Variants in EP400 observed in about 807,000 individuals in gnomAD.
EP400 encodes the protein E1A binding protein p400, also known as E1A-binding protein p400.
Under a neutral mutation model 354.1 loss-of-function variants are expected in EP400, and 105 were observed. That is an observed-to-expected ratio of 0.30 (90% confidence interval 0.25 to 0.35). EP400 has a LOEUF of 0.35. EP400 is among the 10% of genes least tolerant of loss of function. EP400 has a pLI of 1.00. For synonymous variants in EP400, 1,646 were observed against 1,716.9 expected (o/e 0.96, Z 1.02); for missense variants, 3,280 against 4,121.0 (o/e 0.80, Z 5.59).
At position 132,005,167 on chromosome 12, in the gene EP400, A is replaced by T. The variant is rs760344792; in HGVS notation, c.2918A>T (p.Asp973Val). Residue 973 changes from aspartate to valine, a missense_variant, in exon 13 of 53, where the codon GAC (aspartate) becomes GTC (valine). Around this residue, in one of 20 missense-constraint regions of EP400, gnomAD observed 800 missense variants for 840.0 expected, o/e 0.95. Transcript: ENST00000389561. Reference protein sequence around the residue: ...QWPRPKPDGEDTSGEEDADDC... With the variant: ...QWPRPKPDGEVTSGEEDADDC... ...CCCCGGCCGAAGCCTGATGGGGAGG[A>T]CACAAGCGGAGAGGAAGGTGCGCTC... The T allele has an allele frequency of 1.9e-6, 3 of 1,577,084 alleles. No homozygotes were observed. The African/African-American group carries it at 4.0e-5, about 21-fold the overall frequency.
chr12:132,065,055 T>G, intron 48 of EP400, 169 bp downstream of exon 48: 1 of 1,253,060 alleles, frequency 8.0e-7, no homozygotes, highest in Non-Finnish European at 1.1e-6. Context: ...TCACCACTCG[T>G]GGAACATTAA....
Position 131,990,738 on chromosome 12 carries a change from C to A in EP400, c.2629+24C>A. On this transcript the variant is annotated intron_variant, in intron 9 of 52. Transcript: ENST00000389561. The surrounding 1 kb of genome is among the most constrained non-coding windows in gnomAD (Gnocchi z 4.2). ...AGGTAGGACCCTTTAAAAAAAGGCTCACCACGCTTGGGTGGTATTTTGTTC... is the reference window on the plus strand; with the variant it reads ...AGGTAGGACCCTTTAAAAAAAGGCTAACCACGCTTGGGTGGTATTTTGTTC... The A allele has an allele frequency of 6.5e-7, 1 of 1,550,010 alleles. No individual in the cohort carries two copies. Among genetic ancestry groups the A allele is most frequent in the Admixed American group, 1.8e-5 (1 of 55,566 alleles).
rs747388764 is a variant in EP400 at position 131,987,910 on chromosome 12, G to A, written c.2409+20G>A. The A allele has an allele frequency of 1.3e-6, 2 of 1,581,716 alleles. No individual in the cohort carries two copies. Among genetic ancestry groups the A allele is most frequent in the Non-Finnish European group, 1.7e-6 (2 of 1,161,464 alleles). On this transcript the variant is annotated intron_variant, in intron 7 of 52. Coordinates refer to ENST00000389561, the MANE Select transcript of EP400 (RefSeq NM_015409.5). ...AAGAAGGTGGGTTGGAATGCGTGGAGCTGCTGTGCTGTGTGCGTTGGTGGG... is the reference window on the plus strand; with the variant it reads ...AAGAAGGTGGGTTGGAATGCGTGGAACTGCTGTGCTGTGTGCGTTGGTGGG...
chr12:131,972,931 C>T (rs1340248614), intron 2 of EP400, among the ~76,000 whole-genome samples: 1 of 151,916 alleles, frequency 6.6e-6, no homozygotes, highest in Non-Finnish European at 1.5e-5. Context: ...GGGATTTTAC[C>T]ATGTCGGCCA....
chr12:131,957,185 A>C (rs1891731938), intron 1 of EP400, among the ~76,000 whole-genome samples: 1 of 151,958 alleles, frequency 6.6e-6, no homozygotes, highest in Non-Finnish European at 1.5e-5. Context: ...TTTGTCTTTA[A>C]TTAATTTTTC....
At chr12:131,952,438 C>T (rs1160625161) in intron 1 of EP400, among the ~76,000 whole-genome samples, 9 of 151,950 alleles carry the variant, frequency 5.9e-5, no homozygotes, top group African/African-American at 9.7e-5. Context: ...TGAGCCACCG[C>T]GCCCGGCCCC....
intron 23 of EP400, among the ~76,000 whole-genome samples, chr12:132,023,299 A>ATTTTTTT (rs767816284): frequency 1.3e-4 from 9 of 71,042 alleles, no homozygotes; most frequent in African/African-American, 4.2e-4. Flanking sequence ...TGCCCAGCTA[A>ATTTTTTT]TTTTTTTTTT....
At chr12:132,011,398 AC>A in intron 15 of EP400, 99 bp from the exon 16 acceptor site, 9 of 1,436,182 alleles carry the variant, frequency 6.3e-6, no homozygotes, top group Non-Finnish European at 8.5e-6. Context: ...CTCATGTGAC[AC>A]ATACTCATAC....
In EP400 at chr12:132,018,293, G is replaced by T. The variant is rs780840374; in HGVS notation, c.4194G>T (p.Lys1398Asn). ...RHEAELLSKK[K>N]IPRKLMEEIS... The stretch of plus-strand genomic sequence containing the variant: ...AGGCAGAGTTGCTGTCTAAGAAAAA[G>T]ATACCGCGGAAACTCATGGAGGAAA... The change falls in exon 21 of 53, where the codon AAG becomes AAT. Residue 1398 changes from lysine (K) to asparagine (N), a missense_variant. This residue lies in a region of EP400 where 342 missense variants were observed against 342.7 expected (regional missense o/e 1.00). Coordinates refer to ENST00000389561, the MANE Select transcript of EP400 (RefSeq NM_015409.5). This position sits in a 1 kb window ranked among gnomAD's most constrained non-coding sequence, Gnocchi z 4.0. 1 of 1,613,686 alleles carries T rather than the reference G, an allele frequency of 6.2e-7. No individual in the cohort carries two copies. The highest frequency in any genetic ancestry group is 1.3e-5 in the African/African-American group (1 of 74,966).
chr12:132,067,183 T>C lies in EP400; in HGVS notation c.8750-179T>C, dbSNP rs1368533792. 6.7e-6 allele frequency: 8 copies of C among 1,186,982 alleles called. No homozygotes were observed. The South Asian group carries it at 1.2e-4, about 18-fold the overall frequency. The allele number at this position is 1,186,982 out of a possible 1,614,324, so 73.5% of individuals were successfully genotyped here. Reference sequence around the variant, plus strand: ...TAACATTCTGAAATTTCCGTCTTAATTTAAGTGTAATTTGTGAACCCAGAA... The same window carrying C: ...TAACATTCTGAAATTTCCGTCTTAACTTAAGTGTAATTTGTGAACCCAGAA... On this transcript the variant is annotated intron_variant, in intron 49 of 52. Coordinates refer to ENST00000389561, the MANE Select transcript of EP400 (RefSeq NM_015409.5). This position sits in a 1 kb window ranked among gnomAD's most constrained non-coding sequence, Gnocchi z 5.3.
At chr12:132,064,362 C>T (rs1895815372) in intron 47 of EP400, among the ~76,000 whole-genome samples, 1 of 152,212 alleles carries the variant, frequency 6.6e-6, no homozygotes, top group Admixed American at 6.5e-5. Context: ...TTTTGAACTT[C>T]AAATAAGTTT....
chr12:131,967,196 C>T (rs775564624), intron 2 of EP400, among the ~76,000 whole-genome samples: 14 of 151,316 alleles, frequency 9.3e-5, no homozygotes, highest in South Asian at 4.2e-4. Context: ...GCCTGGCCAA[C>T]GTAGTGAAAC....
chr12:132,006,352 A>G (rs772175694), intron 14 of EP400, 50 bp downstream of exon 14: 7 of 1,582,350 alleles, frequency 4.4e-6, no homozygotes, highest in Non-Finnish European at 4.3e-6. Context: ...GAGACAGAGC[A>G]CATAGCTTAG....
At chr12:131,996,310 T>TTTTTTTTTC (rs1339572748) in intron 12 of EP400, among the ~76,000 whole-genome samples, 1 of 150,894 alleles carries the variant, frequency 6.6e-6, no homozygotes, top group African/African-American at 2.5e-5. Context: ...TTTTTTTTTT[T>TTTTTTTTTC]TGAGATGGAG....
rs565975525 is a variant in EP400 at position 132,013,464 on chromosome 12, A to C, written c.3612-26A>C. The C allele has an allele frequency of 1.3e-6, 2 of 1,531,616 alleles. No homozygotes were observed. The highest frequency in any genetic ancestry group is 2.8e-5 in the African/African-American group (2 of 72,218). 94.9% of individuals were successfully genotyped at this position (1,531,616 alleles called of 1,614,324 possible). On this transcript the variant is annotated intron_variant, in intron 17 of 52. Transcript: ENST00000389561. The surrounding 1 kb of genome is among the most constrained non-coding windows in gnomAD (Gnocchi z 4.5). ...GCCAGCCCCGTGGCTGTAGAACTCC[A>C]GTGTTGTCTCTTGTCCTGTTTGCAG...
At chr12:131,970,510 G>A (rs887606702) in intron 2 of EP400, among the ~76,000 whole-genome samples, 5 of 152,002 alleles carry the variant, frequency 3.3e-5, no homozygotes, top group South Asian at 2.1e-4. Flanking sequence ...GTTCCTCGCA[G>A]CATTGTTTTT....
At chr12:131,954,019 A>G (rs375674374) in intron 1 of EP400, among the ~76,000 whole-genome samples, 4 of 152,198 alleles carry the variant, frequency 2.6e-5, no homozygotes, top group Middle Eastern at 3.4e-3. Context: ...AGGCTGAGGC[A>G]TGAGAATCGC....
At chr12:131,963,786 C>T (rs1593311995) in intron 2 of EP400, 12 of 610,314 alleles carry the variant, frequency 2.0e-5, no homozygotes, top group Admixed American at 1.6e-4. Context: ...AATCTTCCTG[C>T]GTATACAATT....
chr12:132,047,924 G>C (rs1016295314), intron 39 of EP400, among the ~76,000 whole-genome samples: 1 of 152,178 alleles, frequency 6.6e-6, no homozygotes, highest in Non-Finnish European at 1.5e-5. Flanking sequence ...TTCTCAGGAT[G>C]TTCCTTGCTG....
Sources: gnomAD v4.1 joint callset for allele counts (sites outside exome capture counted in the v4.1 genomes callset) on GRCh38, gnomAD v4.1.1 for gene constraint, gnomAD v4.1.1 regional missense constraint, Gnocchi (gnomAD v3.1) non-coding constraint, MANE v1.5 for transcripts, NCBI Gene and HGNC (gene_info 2026-07-23, HGNC 2026-07-21) for gene names.